Variants in PTPRN2 observed in about 807,000 individuals in gnomAD.
PTPRN2 encodes receptor-type tyrosine-protein phosphatase N2.
A neutral mutation model predicts 118.8 loss-of-function variants in PTPRN2; 74 were observed. The ratio of observed to expected loss-of-function variants is 0.62; its 90% CI spans 0.52 to 0.76. The LOEUF (loss-of-function observed/expected upper bound fraction) is 0.76. Among genes scored for constraint, PTPRN2 ranks in the 30% least tolerant of loss-of-function variants. PTPRN2 has a pLI of 0.00. For missense variants in PTPRN2, 1,481 were observed against 1,394.4 expected, an observed-to-expected ratio of 1.06 and a Z score of -0.99; for synonymous variants, 641 against 608.0, an observed-to-expected ratio of 1.05 and a Z score of -0.80.
chr7:158,443,504 T>G (rs1817506304), intron 2 of PTPRN2, among the ~76,000 whole-genome samples: 1 of 152,160 alleles, frequency 6.6e-6, no homozygotes, highest in Non-Finnish European at 1.5e-5. Context: ...GCTCTTAGGT[T>G]GAATCCTGGG....
At chr7:158,425,205 A>G (rs1222678270) in intron 2 of PTPRN2, among the ~76,000 whole-genome samples, 69 of 33,642 alleles carry the variant, frequency 2.1e-3, no homozygotes, top group African/African-American at 4.8e-3. Flanking sequence ...CACCGCCGGG[A>G]AAGACGCGGT....
chr7:157,610,271 G>A lies in PTPRN2; in HGVS notation c.2345-6196C>T, dbSNP rs1031825133. 2.6e-5 allele frequency among the ~76,000 whole-genome samples: 4 copies of A among 152,182 alleles called. No individual in the cohort carries two copies. Among genetic ancestry groups the A allele is most frequent in the African/African-American group, 7.2e-5 (3 of 41,436 alleles). ...TCCTCCCAGGGGCCTCACGGAACTC[G>A]GCAATGGGGTTCCTTCCACTCAGGG... On this transcript the variant is annotated intron_variant, in intron 15 of 22. Transcript: ENST00000389418. The surrounding 1 kb of genome is among the most constrained non-coding windows in gnomAD (Gnocchi z 5.1).
chr7:157,568,838 A>G, intron 21 of PTPRN2, 64 bp downstream of exon 21: 1 of 1,490,682 alleles, frequency 6.7e-7, no homozygotes, highest in Non-Finnish European at 9.4e-7. Context: ...ACGGCACCCT[A>G]CGTTGCCATA....
At chr7:158,201,108 G>A (rs1288993226) in intron 4 of PTPRN2, among the ~76,000 whole-genome samples, 1 of 149,916 alleles carries the variant, frequency 6.7e-6, no homozygotes, top group Non-Finnish European at 1.5e-5. Flanking sequence ...CTAGAGTGCT[G>A]TGTGTGATCA....
chr7:158,323,416 G>A (rs1025926226), intron 2 of PTPRN2, among the ~76,000 whole-genome samples: 2 of 152,190 alleles, frequency 1.3e-5, no homozygotes, highest in Admixed American at 6.5e-5. Flanking sequence ...CTCTGGGACC[G>A]GAATGGACAG....
rs1394448936 is a variant in PTPRN2, at chr7:157,587,158, G to C, written c.2496+8080C>G. Among the ~76,000 whole-genome samples, 1 of 151,838 alleles carries C rather than the reference G, an allele frequency of 6.6e-6. No individual in the cohort carries two copies. The highest frequency in any genetic ancestry group is 1.5e-5 in the Non-Finnish European group (1 of 67,928). On this transcript the variant is annotated intron_variant, in intron 17 of 22. Transcript: ENST00000389418. The surrounding 1 kb of genome is among the most constrained non-coding windows in gnomAD (Gnocchi z 5.3). ...ACACAGGCAGGCAGACAGGCAGACA[G>C]GCAGGCAGACAGACAAGACAGGCAG...
At chr7:157,965,502 A>G (rs541785076) in intron 11 of PTPRN2, among the ~76,000 whole-genome samples, 1 of 152,224 alleles carries the variant, frequency 6.6e-6, no homozygotes, top group Admixed American at 6.5e-5. Flanking sequence ...CAAAGTCAGC[A>G]CTAATAAAAA....
intron 3 of PTPRN2, among the ~76,000 whole-genome samples, chr7:158,245,142 A>G (rs1319588326): frequency 1.3e-5 from 2 of 152,124 alleles, no homozygotes; most frequent in African/African-American, 2.4e-5. Flanking sequence ...ATCCGTGGTC[A>G]TGCCAGAATC....
chr7:157,949,940 T>C (rs1390691038), intron 11 of PTPRN2, among the ~76,000 whole-genome samples: 3 of 152,206 alleles, frequency 2.0e-5, no homozygotes, highest in Non-Finnish European at 2.9e-5. Flanking sequence ...AGCTTGCAAC[T>C]ATCTGACTCA....
chr7:158,569,667 A>G (rs373129950), intron 1 of PTPRN2, among the ~76,000 whole-genome samples: 581 of 54,412 alleles, frequency 0.011, 26 homozygotes, highest in African/African-American at 0.017. Context: ...GAGGCCGCCT[A>G]ACTGACAGGA....
chr7:158,321,883 G>A (rs977192636), intron 2 of PTPRN2, among the ~76,000 whole-genome samples: 1 of 152,168 alleles, frequency 6.6e-6, no homozygotes, highest in Non-Finnish European at 1.5e-5. Context: ...GTGTTTAACT[G>A]CCAAACTTAC....
intron 12 of PTPRN2, among the ~76,000 whole-genome samples, chr7:157,877,522 G>C (rs999666025): frequency 4.6e-5 from 7 of 152,062 alleles, no homozygotes; most frequent in South Asian, 2.1e-4. Flanking sequence ...GCCATGGTCA[G>C]GGTTTCCTCG....
Position 157,560,655 on chromosome 7 carries a change from T to C in PTPRN2, c.2902+8247A>G, listed in dbSNP as rs1468914278. Among the ~76,000 whole-genome samples the C allele has an allele frequency of 3.9e-5, 6 of 152,172 alleles. No individual in the cohort carries two copies. Among genetic ancestry groups the C allele is most frequent in the African/African-American group, 1.4e-4 (6 of 41,446 alleles). On this transcript the variant is annotated intron_variant, in intron 21 of 22. Transcript: ENST00000389418. This position sits in a 1 kb window ranked among gnomAD's most constrained non-coding sequence, Gnocchi z 6.7. ...CACACAGCAGAGGAGGCCCTGCTCC[T>C]GCCCGACCGAAGGCAACTTCTCCCT...
chr7:158,409,154 A>G (rs1478586841), intron 2 of PTPRN2, among the ~76,000 whole-genome samples: 1 of 152,202 alleles, frequency 6.6e-6, no homozygotes, highest in Non-Finnish European at 1.5e-5. Context: ...TAATGAGTAG[A>G]TGCAGACTGC....
intron 2 of PTPRN2, among the ~76,000 whole-genome samples, chr7:158,357,243 G>A (rs926363156): frequency 5.3e-5 from 8 of 152,378 alleles, no homozygotes; most frequent in East Asian, 1.9e-4. Context: ...AACGACGCCC[G>A]GCAGTGGGTG....
At chr7:157,814,121 G>A (rs578040838) in intron 12 of PTPRN2, among the ~76,000 whole-genome samples, 13 of 152,360 alleles carry the variant, frequency 8.5e-5, no homozygotes, top group South Asian at 2.1e-4. Flanking sequence ...TGGGGGACAC[G>A]GCGAAGGGCC....
intron 6 of PTPRN2, among the ~76,000 whole-genome samples, chr7:158,139,173 T>G (rs1053908396): frequency 4.0e-5 from 6 of 151,886 alleles, no homozygotes; most frequent in African/African-American, 1.5e-4. Flanking sequence ...AACCCGAAAT[T>G]GAGAATAGGG....
At chr7:158,405,717 G>A (rs1292350866) in intron 2 of PTPRN2, among the ~76,000 whole-genome samples, 1 of 152,232 alleles carries the variant, frequency 6.6e-6, no homozygotes, top group African/African-American at 2.4e-5. Context: ...GCCTGCACTT[G>A]GAAAACTCGG....
chr7:158,136,284 G>A (rs7803621), intron 8 of PTPRN2, among the ~76,000 whole-genome samples: 51,086 of 152,096 alleles, frequency 0.34, 8,808 homozygotes, highest in East Asian at 0.5. Context: ...AGGTGTGAGT[G>A]AGCTGAACCC....
Sources: allele counts gnomAD v4.1 joint callset (sites outside exome capture counted in the v4.1 genomes callset), GRCh38; gene constraint gnomAD v4.1.1; non-coding constraint Gnocchi (gnomAD v3.1); transcripts MANE v1.5; gene names NCBI Gene and HGNC (gene_info 2026-07-23, HGNC 2026-07-21).